Variants in PIGR observed in about 807,000 individuals in gnomAD.
PIGR encodes the protein polymeric immunoglobulin receptor.
PIGR carries 22 observed loss-of-function variants against 69.5 expected under a neutral mutation model. The ratio of observed to expected loss-of-function variants is 0.32; its 90% confidence interval spans 0.23 to 0.45. The LOEUF (loss-of-function observed/expected upper bound fraction) is 0.45. Among genes scored for constraint, PIGR ranks in the 20% least tolerant of loss-of-function variants. The probability of loss-of-function intolerance (pLI) is 1.00; values close to 1 mark genes in which losing one functional copy is unlikely to be tolerated. For missense variants in PIGR, 885 were observed against 974.0 expected, an observed-to-expected ratio of 0.91 and a Z score of 1.22; for synonymous variants, 413 against 407.6, an observed-to-expected ratio of 1.01 and a Z score of -0.16.
intron 2 of PIGR, among the ~76,000 whole-genome samples, chr1:206,939,796 G>C (rs558198037): frequency 3.3e-5 from 5 of 152,114 alleles, no homozygotes; most frequent in East Asian, 3.9e-4. Flanking sequence ...GCACGATCTC[G>C]GCTCACTGCA....
intron 10 of PIGR, chr1:206,931,133 G>A: frequency 1.0e-6 from 1 of 985,426 alleles, no homozygotes; most frequent in Non-Finnish European, 1.2e-6. Context: ...GAGGATGTGT[G>A]GCCTGAGGTC....
chr1:206,933,249 C>G (rs551363803), intron 6 of PIGR, 83 bp from the exon 7 acceptor site: 85 of 1,386,686 alleles, frequency 6.1e-5, no homozygotes, highest in Non-Finnish European at 9.9e-7. Context: ...GGGGAGACTT[C>G]ATGAGGAATC....
intron 1 of PIGR, among the ~76,000 whole-genome samples, chr1:206,944,255 A>G (rs1405319458): frequency 6.6e-6 from 1 of 152,116 alleles, no homozygotes; most frequent in Non-Finnish European, 1.5e-5. Context: ...TGGGTGGATC[A>G]TGAGGTCAGG....
chr1:206,935,674 A>T lies in PIGR; in HGVS notation c.1190T>A (p.Leu397Gln). The change falls in exon 5 of 11, where the codon CTG (leucine) becomes CAG (glutamine). Residue 397 changes from leucine (L) to glutamine (Q), a missense_variant. Coordinates refer to ENST00000356495, the MANE Select transcript of PIGR (RefSeq NM_002644.4). The surrounding 1 kb of genome is among the most constrained non-coding windows in gnomAD (Gnocchi z 4.4). ...AACCCACCCCTCGCTGTCCACCAGCAGGGGGCAGCGGCCATTCTGGGCCCC... is the reference window on the plus strand; with the variant it reads ...AACCCACCCCTCGCTGTCCACCAGCTGGGGGCAGCGGCCATTCTGGGCCCC... ...WEGAQNGRCP[L>Q]LVDSEGWVKA... 6.2e-7 allele frequency: 1 copy of T among 1,613,940 alleles called. No homozygotes were observed. The highest frequency in any genetic ancestry group is 8.5e-7 in the Non-Finnish European group (1 of 1,179,956).
intron 1 of PIGR, among the ~76,000 whole-genome samples, chr1:206,941,915 G>C (rs1278078358): frequency 6.6e-6 from 1 of 152,228 alleles, no homozygotes; most frequent in Non-Finnish European, 1.5e-5. Context: ...TGCCCATAAA[G>C]ATAAGGACGC....
intron 2 of PIGR, 54 bp downstream of exon 2, chr1:206,940,435 A>T: frequency 6.6e-7 from 1 of 1,515,856 alleles, no homozygotes; most frequent in Non-Finnish European, 9.0e-7. Context: ...TGAACCCTGG[A>T]GTCGGGCAGG....
At chr1:206,939,504 A>G (rs1395407506) in intron 2 of PIGR, 41 bp from the exon 3 acceptor site, 1 of 1,437,194 alleles carries the variant, frequency 7.0e-7, no homozygotes, top group Non-Finnish European at 9.6e-7. Context: ...GGCCCTTGGG[A>G]GGTAAAGCCT....
chr1:206,939,541 T>G, intron 2 of PIGR, 78 bp from the exon 3 acceptor site: 1 of 988,026 alleles, frequency 1.0e-6, no homozygotes, highest in Middle Eastern at 2.2e-4. Context: ...TATGAGTAGA[T>G]GTGGTTTTCT....
chr1:206,931,914 T>G (rs1270667654), intron 8 of PIGR, 112 bp from the exon 9 acceptor site: 29 of 1,198,248 alleles, frequency 2.4e-5, no homozygotes, highest in Non-Finnish European at 3.6e-5. Context: ...ACAGCTGAGG[T>G]GGTGCAGCTC....
In PIGR at chr1:206,930,396, G is replaced by C. The variant is rs141484518; in HGVS notation, c.2217C>G (p.Ala739=). 3 of 1,613,090 alleles carry C rather than the reference G, an allele frequency of 1.9e-6. No homozygotes were observed. Among genetic ancestry groups the C allele is most frequent in the Non-Finnish European group, 2.5e-6 (3 of 1,179,540 alleles). The stretch of plus-strand genomic sequence containing the variant: ...GCAGGAAGTCTTTGTAGGCCATCTC[G>C]GCTTCCTCCTTGGATGACTAAGGGG... ...KKAKRSSKEE[A]EMAYKDFLLQ... Residue 739 remains alanine (A), a synonymous_variant, in exon 11 of 11, where the codon GCC becomes GCG. Transcript: ENST00000356495. The surrounding 1 kb of genome is among the most constrained non-coding windows in gnomAD (Gnocchi z 4.3).
At chr1:206,941,052 T>A (rs1266881862) in intron 1 of PIGR, among the ~76,000 whole-genome samples, 1 of 152,212 alleles carries the variant, frequency 6.6e-6, no homozygotes, top group Non-Finnish European at 1.5e-5. Flanking sequence ...GGAGGTGTCA[T>A]GATTATTAAG....
At position 206,935,056 on chromosome 1, in the gene PIGR, G is replaced by C. The variant is rs747678423; in HGVS notation, c.1379-310C>G. On this transcript the variant is annotated intron_variant, in intron 5 of 10. Transcript: ENST00000356495. This position sits in a 1 kb window ranked among gnomAD's most constrained non-coding sequence, Gnocchi z 4.4. ...CCTCTTTGGATAGCATTAGAAATAA[G>C]TATGTTATTCTGACTACAGAAGAAA... Among the ~76,000 whole-genome samples, 2 of 152,076 alleles carry C rather than the reference G, an allele frequency of 1.3e-5. No individual in the cohort carries two copies. The highest frequency in any genetic ancestry group is 4.8e-5 in the African/African-American group (2 of 41,410).
rs1018561123 is a variant in PIGR, at chr1:206,935,059, T to C, written c.1379-313A>G. ...CTTTGGATAGCATTAGAAATAAGTA[T>C]GTTATTCTGACTACAGAAGAAATGT... is the stretch of plus-strand genomic sequence containing the variant. On this transcript the variant is annotated intron_variant, in intron 5 of 10. Coordinates refer to ENST00000356495, the MANE Select transcript of PIGR (RefSeq NM_002644.4). The surrounding 1 kb of genome is among the most constrained non-coding windows in gnomAD (Gnocchi z 4.4). Among the ~76,000 whole-genome samples the C allele has an allele frequency of 2.0e-5, 3 of 152,120 alleles. No individual in the cohort carries two copies. The highest frequency in any genetic ancestry group is 4.4e-5 in the Non-Finnish European group (3 of 68,028).
At position 206,940,469 on chromosome 1, in the gene PIGR, T is replaced by G; in HGVS notation, c.43+20A>C. On this transcript the variant is annotated intron_variant, in intron 2 of 10. Coordinates refer to ENST00000356495, the MANE Select transcript of PIGR (RefSeq NM_002644.4). ...GGCTGAAGGGGTGGAGCTTGGAGAG[T>G]TGGGGCCTGGCAGACACACCTGGGA... 1 of 1,550,620 alleles carries G rather than the reference T, an allele frequency of 6.4e-7. No individual in the cohort carries two copies. The highest frequency in any genetic ancestry group is 8.7e-7 in the Non-Finnish European group (1 of 1,146,600).
chr1:206,932,073 G>C (rs894119613), intron 8 of PIGR, among the ~76,000 whole-genome samples: 2 of 152,180 alleles, frequency 1.3e-5, no homozygotes, highest in Admixed American at 6.5e-5. Flanking sequence ...AGCCCCGTGA[G>C]GTCCTGATTA....
At position 206,930,701 on chromosome 1, in the gene PIGR, C is replaced by G. The variant is rs1370210069; in HGVS notation, c.2200-288G>C. On this transcript the variant is annotated intron_variant, in intron 10 of 10. Coordinates refer to ENST00000356495, the MANE Select transcript of PIGR (RefSeq NM_002644.4). This position sits in a 1 kb window ranked among gnomAD's most constrained non-coding sequence, Gnocchi z 4.3. ...GGCCTGTCCCCGGAAGCTGCCCACA[C>G]AGTCCACGGGCAAGGTGGCCTAGGC... 1.0e-6 allele frequency: 1 copy of G among 985,318 alleles called. No individual in the cohort carries two copies. Among genetic ancestry groups the G allele is most frequent in the East Asian group, 1.1e-4 (1 of 8,826 alleles). 61.0% of individuals were successfully genotyped at this position (985,318 alleles called of 1,614,324 possible). A position where few individuals can be genotyped will look rare whatever the true frequency, so the allele number is the denominator to read the frequency against.
At chr1:206,937,016 A>C in intron 4 of PIGR, 79 bp downstream of exon 4, 1 of 1,297,172 alleles carries the variant, frequency 7.7e-7, no homozygotes, top group Non-Finnish European at 1.0e-6. Flanking sequence ...CTATTGATGA[A>C]TACACTCAGA....
At chr1:206,937,871 C>T (rs1679897850) in intron 3 of PIGR, 120 bp from the exon 4 acceptor site, 2 of 872,332 alleles carry the variant, frequency 2.3e-6, no homozygotes, top group South Asian at 1.7e-5. Flanking sequence ...GGAATGCCCT[C>T]CTTCCCAGAG....
At chr1:206,943,724 A>G (rs778276391) in intron 1 of PIGR, among the ~76,000 whole-genome samples, 10 of 152,174 alleles carry the variant, frequency 6.6e-5, no homozygotes, top group Non-Finnish European at 1.3e-4. Context: ...TTGGTATGAG[A>G]GTAGAAGTCT....
Sources: gnomAD v4.1 joint callset for allele counts (sites outside exome capture counted in the v4.1 genomes callset) on GRCh38, gnomAD v4.1.1 for gene constraint, Gnocchi (gnomAD v3.1) non-coding constraint, MANE v1.5 for transcripts, NCBI Gene and HGNC (gene_info 2026-07-23, HGNC 2026-07-21) for gene names.